BRF1: variants seen among roughly 807,000 people sequenced by gnomAD.
BRF1 encodes transcription factor IIIB 90 kDa subunit.
A neutral mutation model predicts 81.7 loss-of-function variants in BRF1; 59 were observed. That is an observed-to-expected ratio of 0.72 (90% confidence interval 0.59 to 0.90). BRF1 has a LOEUF of 0.90. BRF1 is among the 40% of genes least tolerant of loss of function. BRF1 has a pLI of 0.00. For missense variants in BRF1, 1,050 were observed against 936.3 expected (o/e 1.12, Z -1.58); for synonymous variants, 491 against 395.6 (o/e 1.24, Z -2.86).
upstream of BRF1, among the ~76,000 whole-genome samples, chr14:105,303,089 C>T (rs1397154460): frequency 6.6e-6 from 1 of 152,034 alleles, no homozygotes; most frequent in African/African-American, 2.4e-5. Context: ...CCACCACGCC[C>T]AGCTAATTTT....
rs1421443980 is a variant in BRF1, at chr14:105,269,357, T to TG, written c.439+3363dup. The stretch of plus-strand genomic sequence containing the variant: ...AGAGGGGATAGAGTGCGGCCTCCCG[T>TG]GAGCACAGTCCTGTTCCAAGCTGTC... On this transcript the variant is annotated intron_variant, in intron 3 of 17. Transcript: ENST00000547530. This position sits in a 1 kb window ranked among gnomAD's most constrained non-coding sequence, Gnocchi z 5.0. Among the ~76,000 whole-genome samples, 2 of 152,178 alleles carry TG rather than the reference T, an allele frequency of 1.3e-5. No individual in the cohort carries two copies. Among genetic ancestry groups the TG allele is most frequent in the Non-Finnish European group, 2.9e-5 (2 of 68,020 alleles).
chr14:105,310,507 G>A (rs943113565), intron 1 of BRF1, among the ~76,000 whole-genome samples: 9 of 136,534 alleles, frequency 6.6e-5, no homozygotes, highest in African/African-American at 2.5e-4. Context: ...TCCAGCCTGG[G>A]CGACAGACAG....
At position 105,209,637 on chromosome 14, in the gene BRF1, G is replaced by C; in HGVS notation, c.*914C>G. The C allele has an allele frequency of 1.4e-6, 1 of 692,080 alleles. No individual in the cohort carries two copies. Among genetic ancestry groups the C allele is most frequent in the Non-Finnish European group, 2.6e-6 (1 of 378,306 alleles). The allele number at this position is 692,080 out of a possible 1,614,324, so 42.9% of individuals were successfully genotyped here. A position where few individuals can be genotyped will look rare whatever the true frequency, so the allele number is the denominator to read the frequency against. On this transcript the variant is annotated 3_prime_UTR_variant, in exon 18 of 18. Transcript: ENST00000547530. ...TGGGGAGGCTCTCGGGCCTCCGTCT[G>C]CCCTCCCTCCTCGATGGGGGGCCTG...
intron 12 of BRF1, chr14:105,219,845 C>T (rs1186614965): frequency 1.7e-6 from 1 of 591,262 alleles, no homozygotes; most frequent in Non-Finnish European, 3.0e-6. Context: ...GGACCAGGCG[C>T]AAAGCCAGGG....
intron 3 of BRF1, among the ~76,000 whole-genome samples, 167 bp downstream of exon 3, chr14:105,272,554 C>A (rs1051581597): frequency 6.6e-6 from 1 of 152,202 alleles, no homozygotes; most frequent in Non-Finnish European, 1.5e-5. Flanking sequence ...TAAAAGGAGA[C>A]CCCAAATTCA....
intron 7 of BRF1, 120 bp downstream of exon 7, chr14:105,228,699 GC>G: frequency 4.3e-6 from 5 of 1,153,506 alleles, no homozygotes; most frequent in Non-Finnish European, 5.0e-6. Flanking sequence ...CTAGGTCCTG[GC>G]CAGCAGCCAG....
rs587743225 is a variant in BRF1 at position 105,312,972 on chromosome 14, TCTC to T, written c.-162+2347_-162+2349del. On this transcript the variant is annotated intron_variant, in intron 1 of 17. Transcript: ENST00000327359. The stretch of plus-strand genomic sequence containing the variant: ...AGCTGCATAACCTCACAGGCCGCCA[TCTC>T]CTCTTTTGTCACTTGGGATGGGACA... Among the ~76,000 whole-genome samples, 64 of 152,240 alleles carry T rather than the reference TCTC, an allele frequency of 4.2e-4. 1 individual carries two copies. In the East Asian group the frequency reaches 7.6e-3, roughly 18 times the overall value.
At chr14:105,219,578 G>A in intron 12 of BRF1, 1 of 465,060 alleles carries the variant, frequency 2.2e-6, no homozygotes, top group Non-Finnish European at 3.8e-6. Context: ...AGGTACAGAT[G>A]GGCCAGGCTG....
At position 105,300,463 on chromosome 14, in the gene BRF1, T is replaced by A; in HGVS notation, c.167A>T (p.Gln56Leu). 6.5e-7 allele frequency: 1 copy of A among 1,530,310 alleles called. No individual in the cohort carries two copies. The highest frequency in any genetic ancestry group is 8.7e-7 in the Non-Finnish European group (1 of 1,143,274). The allele number at this position is 1,530,310 out of a possible 1,614,324, so 94.8% of individuals were successfully genotyped here. Residue 56 changes from glutamine to leucine, a missense_variant, in exon 1 of 18, where the codon CAG (glutamine) becomes CTG (leucine). By Grantham distance (113) the Gln-to-Leu change is moderately radical (BLOSUM62 -2). Around this residue, in one of 2 missense-constraint regions of BRF1, gnomAD observed 1,043 missense variants for 915.4 expected, o/e 1.14. Transcript: ENST00000547530. ...SSGGGSSAVG[Q>L]FVSLDGAGKT... The stretch of plus-strand genomic sequence containing the variant: ...GGACTCACCGTCCAGGGACACGAAC[T>A]GGCCCACGGCCGAGGAGCCGCCGCC...
intron 5 of BRF1, chr14:105,249,716 G>A (rs747388147): frequency 7.4e-6 from 12 of 1,613,822 alleles, no homozygotes; most frequent in East Asian, 2.2e-5. Context: ...GAAGTACATC[G>A]TCCCAGCATT....
rs1020302194 is a variant in BRF1 at position 105,221,678 on chromosome 14, C to T, written c.1285G>A (p.Glu429Lys). 1.2e-5 allele frequency: 19 copies of T among 1,611,386 alleles called. No individual in the cohort carries two copies. The highest frequency in any genetic ancestry group is 4.0e-5 in the African/African-American group (3 of 74,846). The change falls in exon 11 of 18, where the codon GAA (glutamate) becomes AAA (lysine). Residue 429 changes from glutamate (E) to lysine (K), a missense_variant. Physicochemically the swap from Glu to Lys is moderately conservative, Grantham distance 56 (BLOSUM62 1). Around this residue, in one of 2 missense-constraint regions of BRF1, gnomAD observed 1,043 missense variants for 915.4 expected, o/e 1.14. Transcript: ENST00000547530. Reference sequence around the variant, plus strand: ...TCGCTGCTCTGAGAGGAGATGCATTCGCGGATGGAGTCTGAGATGCCCAGG... The same window carrying T: ...TCGCTGCTCTGAGAGGAGATGCATTTGCGGATGGAGTCTGAGATGCCCAGG... ...ASLGISDSIRECISSQSSDPK... is the reference protein window; with the variant it reads ...ASLGISDSIRKCISSQSSDPK...
At chr14:105,250,310 A>G in intron 5 of BRF1, 2 of 1,613,338 alleles carry the variant, frequency 1.2e-6, no homozygotes, top group Non-Finnish European at 1.7e-6. Context: ...TGCAGTGGAC[A>G]GAAGGGTATT....
intron 1 of BRF1, among the ~76,000 whole-genome samples, chr14:105,290,148 A>G (rs8022526): frequency 0.36 from 54,431 of 151,992 alleles, 10,710 homozygotes; most frequent in African/African-American, 0.52. Context: ...AGCTGGGTGC[A>G]GTGGCTCACG....
At chr14:105,296,380 C>CTG (rs2057745905) in intron 1 of BRF1, among the ~76,000 whole-genome samples, 1 of 151,664 alleles carries the variant, frequency 6.6e-6, no homozygotes, top group Non-Finnish European at 1.5e-5. Context: ...GGGCGTGGTG[C>CTG]TGGGCGCCTG....
upstream of BRF1, among the ~76,000 whole-genome samples, chr14:105,305,479 A>G (rs1291982936): frequency 2.6e-5 from 4 of 152,204 alleles, no homozygotes; most frequent in African/African-American, 9.6e-5. Flanking sequence ...GTGAGGATGC[A>G]GGAAGAGGGC....
chr14:105,211,476 G>A (rs760241099), intron 16 of BRF1, 183 bp from the exon 17 acceptor site: 39 of 588,034 alleles, frequency 6.6e-5, no homozygotes, highest in Non-Finnish European at 1.0e-4. Flanking sequence ...GCTGTGCCAT[G>A]AGCTGTGTCA....
intron 5 of BRF1, among the ~76,000 whole-genome samples, chr14:105,244,515 A>AGGT (rs111274758): frequency 6.6e-6 from 1 of 151,874 alleles, no homozygotes; most frequent in Non-Finnish European, 1.5e-5. Flanking sequence ...GTGGAGGAGG[A>AGGT]AGTGGTGGGC....
chr14:105,243,241 G>A (rs2054833944), intron 5 of BRF1, among the ~76,000 whole-genome samples: 1 of 148,472 alleles, frequency 6.7e-6, no homozygotes, highest in Non-Finnish European at 1.5e-5. Context: ...AGGAGTTCGA[G>A]ACCACCCTGG....
rs928875653 is a variant in BRF1, at chr14:105,309,776, CTTTTT to C, written c.-162+5541_-162+5545del. On this transcript the variant is annotated intron_variant, in intron 1 of 17. Transcript: ENST00000327359. The surrounding 1 kb of genome is among the most constrained non-coding windows in gnomAD (Gnocchi z 4.0). The stretch of plus-strand genomic sequence containing the variant: ...TTAAGGAGAAGGTGGTGATGTGTGT[CTTTTT>C]TTTTTTTTTTTTTTTTTTTTTTTAG... 3.4e-4 allele frequency among the ~76,000 whole-genome samples: 30 copies of C among 89,206 alleles called. No homozygotes were observed. Among genetic ancestry groups the C allele is most frequent in the Admixed American group, 5.1e-4 (4 of 7,786 alleles). 58.5% of individuals were successfully genotyped at this position (89,206 alleles called of 152,430 possible). A position where few individuals can be genotyped will look rare whatever the true frequency, so the allele number is the denominator to read the frequency against.
Sources: allele counts gnomAD v4.1 joint callset (sites outside exome capture counted in the v4.1 genomes callset), GRCh38; gene constraint gnomAD v4.1.1; regional missense constraint gnomAD v4.1.1; non-coding constraint Gnocchi (gnomAD v3.1); transcripts MANE v1.5; gene names NCBI Gene and HGNC (gene_info 2026-07-23, HGNC 2026-07-21).